The following BLTP1 variants were observed in gnomAD, a reference collection of about 807,000 sequenced individuals.
BLTP1 encodes bridge-like lipid transfer protein family member 1, also known as fragile site-associated protein.
the BLTP1 span, chr4:122,247,896 T>G: frequency 5.1e-6 from 5 of 974,690 alleles, no homozygotes; most frequent in Non-Finnish European, 6.1e-6. Context: ...ATCATTTAGA[T>G]GCTTAAATGT....
the BLTP1 span, chr4:122,356,472 C>T: frequency 1.2e-6 from 1 of 812,750 alleles, no homozygotes; most frequent in Non-Finnish European, 1.9e-6. Flanking sequence ...AAGTGCTTAA[C>T]AAACTATCAT....
At chr4:122,224,676 A>G in the BLTP1 span, 1 of 1,613,990 alleles carries the variant, frequency 6.2e-7, no homozygotes, top group Non-Finnish European at 8.5e-7. Flanking sequence ...ACAGCACCAC[A>G]GGTATGGTTT....
the BLTP1 span, among the ~76,000 whole-genome samples, chr4:122,261,079 C>T: frequency 6.6e-6 from 1 of 152,168 alleles, no homozygotes; most frequent in Non-Finnish European, 1.5e-5. Context: ...TATATTGGAA[C>T]ACAGGACTTA....
At chr4:122,245,304 G>A in the BLTP1 span, among the ~76,000 whole-genome samples, 10 of 152,210 alleles carry the variant, frequency 6.6e-5, no homozygotes, top group African/African-American at 2.4e-4. Flanking sequence ...ACATATAACT[G>A]TACTATAGAT....
chr4:122,234,156 A>C, the BLTP1 span: 2 of 279,542 alleles, frequency 7.2e-6, no homozygotes, highest in African/African-American at 4.6e-5. Context: ...CAGATCTATG[A>C]GTCACTTATA....
At chr4:122,245,314 T>TA in the BLTP1 span, among the ~76,000 whole-genome samples, 1 of 152,176 alleles carries the variant, frequency 6.6e-6, no homozygotes, top group Non-Finnish European at 1.5e-5. Flanking sequence ...GTACTATAGA[T>TA]GGAATAGTAG....
At chr4:122,190,104 T>G in the BLTP1 span, 1 of 1,609,168 alleles carries the variant, frequency 6.2e-7, no homozygotes, top group Non-Finnish European at 8.5e-7. Flanking sequence ...GTTGTTGCTG[T>G]TTTTTTTAAA....
At chr4:122,281,517 T>G in the BLTP1 span, 1 of 1,184,318 alleles carries the variant, frequency 8.4e-7, no homozygotes. Flanking sequence ...TTTTTAATTA[T>G]TTTTTTTTTG....
the BLTP1 span, chr4:122,344,529 G>A: frequency 6.2e-7 from 1 of 1,612,332 alleles, no homozygotes; most frequent in African/African-American, 1.3e-5. Context: ...AAGTCTGCAA[G>A]CAAAATGGAT....
chr4:122,272,483 G>A, the BLTP1 span: 1 of 1,251,830 alleles, frequency 8.0e-7, no homozygotes, highest in African/African-American at 1.5e-5. Flanking sequence ...CCACTGCCAT[G>A]TCTCCAAAAT....
chr4:122,175,910 A>G, the BLTP1 span: 1 of 1,416,350 alleles, frequency 7.1e-7, no homozygotes, highest in African/African-American at 1.4e-5. Context: ...AACAGAAGCA[A>G]CATGGTGAGT....
At chr4:122,257,443 T>G in the BLTP1 span, 1 of 1,613,978 alleles carries the variant, frequency 6.2e-7, no homozygotes, top group Non-Finnish European at 8.5e-7. Flanking sequence ...ACAATGGGGG[T>G]GGTCTTCAAA....
chr4:122,187,935 T>C, the BLTP1 span: 1 of 1,591,294 alleles, frequency 6.3e-7, no homozygotes, highest in Non-Finnish European at 8.5e-7. Context: ...CCGCAAACTC[T>C]GTGCATCAAC....
At chr4:122,330,893 G>A in the BLTP1 span, 1 of 568,184 alleles carries the variant, frequency 1.8e-6, no homozygotes, top group Admixed American at 6.4e-5. Flanking sequence ...TATAACATAA[G>A]GGTTCAATTT....
chr4:122,155,229 CAT>C, the BLTP1 span, among the ~76,000 whole-genome samples: 8 of 151,130 alleles, frequency 5.3e-5, no homozygotes, highest in Admixed American at 3.9e-4. Context: ...GAGCATTACT[CAT>C]ATAGTAAGAA....
At chr4:122,309,232 T>G in the BLTP1 span, 3 of 1,592,936 alleles carry the variant, frequency 1.9e-6, no homozygotes, top group Non-Finnish European at 2.6e-6. Flanking sequence ...AATTGTCACC[T>G]TTTGTCTTAT....
chr4:122,255,748 A>T, the BLTP1 span, among the ~76,000 whole-genome samples: 2 of 152,240 alleles, frequency 1.3e-5, no homozygotes, highest in South Asian at 2.1e-4. Context: ...GAAGCTGTAG[A>T]CATGGATGAG....
the BLTP1 span, chr4:122,242,949 A>T: frequency 6.7e-5 from 76 of 1,138,140 alleles, no homozygotes; most frequent in Non-Finnish European, 9.6e-5. Context: ...GATATCATAA[A>T]ATTAGGGAAA....
At chr4:122,348,746 AT>A in the BLTP1 span, 4 of 1,444,522 alleles carry the variant, frequency 2.8e-6, no homozygotes, top group Non-Finnish European at 3.8e-6. Flanking sequence ...AAGGAAATGT[AT>A]TTAATCATTT....
Sources: gnomAD v4.1 joint callset for allele counts (sites outside exome capture counted in the v4.1 genomes callset) on GRCh38, gnomAD v4.1.1 for gene constraint, MANE v1.5 for transcripts, NCBI Gene and HGNC (gene_info 2026-07-23, HGNC 2026-07-21) for gene names.